The following FSCN1 variants were observed in gnomAD, a reference collection of about 807,000 sequenced individuals.
The protein encoded by FSCN1 is fascin actin-bundling protein 1.
In FSCN1, 10 loss-of-function variants were observed where a neutral mutation model predicts 39.7. The ratio of observed to expected loss-of-function variants is 0.25; its 90% CI spans 0.16 to 0.43. FSCN1 has a LOEUF of 0.43. FSCN1 is among the 20% of genes least tolerant of loss of function. The pLI is 1.00. For synonymous variants in FSCN1, 322 were observed against 320.0 expected, an observed-to-expected ratio of 1.01 and a Z score of -0.07; for missense variants, 525 against 723.8, an observed-to-expected ratio of 0.73 and a Z score of 3.15.
intron 1 of FSCN1, among the ~76,000 whole-genome samples, chr7:5,596,677 C>G (rs1480595325): frequency 2.0e-5 from 3 of 152,208 alleles, no homozygotes; most frequent in Non-Finnish European, 4.4e-5. Context: ...GACCTGTCCT[C>G]CCTGCTGGCT....
intron 1 of FSCN1, 102 bp downstream of exon 1, chr7:5,593,870 C>A (rs1785678729): frequency 1.2e-6 from 1 of 827,382 alleles, no homozygotes. Context: ...GGCGCCGCTG[C>A]GGTCCGGAGC....
At chr7:5,597,758 AAAAG>A (rs982569259) in intron 1 of FSCN1, among the ~76,000 whole-genome samples, 21 of 151,936 alleles carry the variant, frequency 1.4e-4, no homozygotes, top group African/African-American at 4.8e-4. Context: ...AAAAAAAAAA[AAAAG>A]AGAGGATGGC....
At position 5,597,493 on chromosome 7, in the gene FSCN1, C is replaced by A. The variant is rs569831844; in HGVS notation, c.832+3725C>A. The stretch of plus-strand genomic sequence containing the variant: ...ACCAGTCTGACCAACATGGAGAAAC[C>A]CCATCTCTACTAAAAACACAAAAAT... On this transcript the variant is annotated intron_variant, in intron 1 of 4. Transcript: ENST00000382361. Among the ~76,000 whole-genome samples the A allele has an allele frequency of 9.2e-5, 14 of 152,058 alleles. No individual in the cohort carries two copies. The East Asian group carries it at 2.5e-3, about 27-fold the overall frequency.
chr7:5,603,200 C>A lies in FSCN1; in HGVS notation c.833-57C>A. 1 of 1,592,122 alleles carries A rather than the reference C, an allele frequency of 6.3e-7. No individual in the cohort carries two copies. Among genetic ancestry groups the A allele is most frequent in the South Asian group, 1.1e-5 (1 of 89,706 alleles). ...AGTTCTGTGAGCTCAGGGCTATGGT[C>A]TGCCAGAACTAGGGGGCGTGGGGCC... is the stretch of plus-strand genomic sequence containing the variant. On this transcript the variant is annotated intron_variant, in intron 1 of 4. Coordinates refer to ENST00000382361, the MANE Select transcript of FSCN1 (RefSeq NM_003088.4). This position sits in a 1 kb window ranked among gnomAD's most constrained non-coding sequence, Gnocchi z 8.5.
At chr7:5,602,456 T>TC (rs1785849749) in intron 1 of FSCN1, among the ~76,000 whole-genome samples, 1 of 152,236 alleles carries the variant, frequency 6.6e-6, no homozygotes, top group African/African-American at 2.4e-5. Context: ...GATGCGCTGT[T>TC]CCGCTGTGCT....
chr7:5,604,768 T>TG (rs1418502389), intron 4 of FSCN1, among the ~76,000 whole-genome samples: 1 of 152,198 alleles, frequency 6.6e-6, no homozygotes, highest in Non-Finnish European at 1.5e-5. Context: ...CCCGAGTAGC[T>TG]GGGACTATGT....
At position 5,599,273 on chromosome 7, in the gene FSCN1, CCCAAGGGGTT is replaced by C. The variant is rs1785785787; in HGVS notation, c.833-3978_833-3969del. Among the ~76,000 whole-genome samples, 1 of 152,078 alleles carries C rather than the reference CCCAAGGGGTT, an allele frequency of 6.6e-6. No individual in the cohort carries two copies. Among genetic ancestry groups the C allele is most frequent in the African/African-American group, 2.4e-5 (1 of 41,402 alleles). ...GCCCCAGGGAACCTGGGGGGTGGAG[CCCAAGGGGTT>C]CCAAGAAGGGGCGGGGCCAGGAACC... On this transcript the variant is annotated intron_variant, in intron 1 of 4. Transcript: ENST00000382361. This position sits in a 1 kb window ranked among gnomAD's most constrained non-coding sequence, Gnocchi z 5.6.
intron 4 of FSCN1, among the ~76,000 whole-genome samples, chr7:5,604,843 T>G (rs1458945283): frequency 6.6e-6 from 1 of 151,966 alleles, no homozygotes; most frequent in African/African-American, 2.4e-5. Flanking sequence ...CACCATGTTG[T>G]CCAGGCTGGT....
rs1167269284 is a variant in FSCN1, at chr7:5,605,137, G to A, written c.1280-135G>A. 87 of 663,636 alleles carry A rather than the reference G, an allele frequency of 1.3e-4. No homozygotes were observed. Among genetic ancestry groups the A allele is most frequent in the Non-Finnish European group, 2.1e-4 (78 of 369,768 alleles). The allele number at this position is 663,636 out of a possible 1,614,324, so 41.1% of individuals were successfully genotyped here. ...GACAGGAGGACGTGCGGGCCATAGG[G>A]ACCCTGGCTCATTCCGGAGCCGGGA... is the stretch of plus-strand genomic sequence containing the variant. On this transcript the variant is annotated intron_variant, in intron 4 of 4. Coordinates refer to ENST00000382361, the MANE Select transcript of FSCN1 (RefSeq NM_003088.4). This position sits in a 1 kb window ranked among gnomAD's most constrained non-coding sequence, Gnocchi z 6.9.
chr7:5,593,894 C>A, intron 1 of FSCN1, 126 bp downstream of exon 1: 1 of 678,650 alleles, frequency 1.5e-6, no homozygotes, highest in Non-Finnish European at 2.4e-6. Flanking sequence ...GCCCATTGCG[C>A]CCCCGCTAGG....
Position 5,603,135 on chromosome 7 carries a change from C to A in FSCN1, c.833-122C>A. The A allele has an allele frequency of 8.9e-7, 1 of 1,124,798 alleles. No individual in the cohort carries two copies. The highest frequency in any genetic ancestry group is 1.3e-6 in the Non-Finnish European group (1 of 775,766). The allele number at this position is 1,124,798 out of a possible 1,614,324, so 69.7% of individuals were successfully genotyped here. A position where few individuals can be genotyped will look rare whatever the true frequency, so the allele number is the denominator to read the frequency against. ...TCTCATGTGTGCCACTGTGGGGACTCGGCCGCCCACCCCACCCCGTGGTGT... is the reference window on the plus strand; with the variant it reads ...TCTCATGTGTGCCACTGTGGGGACTAGGCCGCCCACCCCACCCCGTGGTGT... On this transcript the variant is annotated intron_variant, in intron 1 of 4. Coordinates refer to ENST00000382361, the MANE Select transcript of FSCN1 (RefSeq NM_003088.4). The surrounding 1 kb of genome is among the most constrained non-coding windows in gnomAD (Gnocchi z 8.5).
chr7:5,603,114 A>G lies in FSCN1; in HGVS notation c.833-143A>G. The G allele has an allele frequency of 1.2e-6, 1 of 847,000 alleles. No individual in the cohort carries two copies. The highest frequency in any genetic ancestry group is 1.9e-6 in the Non-Finnish European group (1 of 531,728). The allele number at this position is 847,000 out of a possible 1,614,324, so 52.5% of individuals were successfully genotyped here. On this transcript the variant is annotated intron_variant, in intron 1 of 4. Transcript: ENST00000382361. This position sits in a 1 kb window ranked among gnomAD's most constrained non-coding sequence, Gnocchi z 8.5. ...TCCTGGGTGCTCTCTGCTGCTTCTC[A>G]TGTGTGCCACTGTGGGGACTCGGCC...
intron 1 of FSCN1, chr7:5,594,588 C>T (rs1245056074): frequency 2.0e-5 from 3 of 151,886 alleles, no homozygotes; most frequent in Non-Finnish European, 2.9e-5. Context: ...CCCCGCGCCG[C>T]CCCCGGGCCC....
intron 1 of FSCN1, among the ~76,000 whole-genome samples, chr7:5,602,481 C>G (rs943926967): frequency 2.0e-5 from 3 of 152,058 alleles, no homozygotes; most frequent in Non-Finnish European, 4.4e-5. Flanking sequence ...CCCCATTTGT[C>G]CTTTTCTATA....
chr7:5,603,520 C>T lies in FSCN1; in HGVS notation c.1014C>T (p.Ile338=), dbSNP rs1352129762. 3.1e-6 allele frequency: 5 copies of T among 1,614,032 alleles called. No individual in the cohort carries two copies. Among genetic ancestry groups the T allele is most frequent in the East Asian group, 2.2e-5 (1 of 44,894 alleles). ...GGAATGCCAGCTGCTACTTTGACAT[C>T]GAGTGGCGTGACCGGCGCATCACAC... ...SSKNASCYFD[I]EWRDRRITLR... is the part of the protein sequence containing the mutation. The change falls in exon 3 of 5, where the codon ATC becomes ATT. Residue 338 remains isoleucine (I), a synonymous_variant. Transcript: ENST00000382361. This position sits in a 1 kb window ranked among gnomAD's most constrained non-coding sequence, Gnocchi z 8.5.
chr7:5,605,622 C>G lies in FSCN1; in HGVS notation c.*148C>G, dbSNP rs1055088845. On this transcript the variant is annotated 3_prime_UTR_variant, in exon 5 of 5. Coordinates refer to ENST00000382361, the MANE Select transcript of FSCN1 (RefSeq NM_003088.4). The surrounding 1 kb of genome is among the most constrained non-coding windows in gnomAD (Gnocchi z 6.9). ...AACCCCAGAGAAAACGGTGCCCCCA[C>G]CTGTCGCCCCTATGGACTCCCCACT... 1 of 635,366 alleles carries G rather than the reference C, an allele frequency of 1.6e-6. No homozygotes were observed. Among genetic ancestry groups the G allele is most frequent in the Admixed American group, 3.0e-5 (1 of 33,816 alleles). The allele number at this position is 635,366 out of a possible 1,614,324, so 39.4% of individuals were successfully genotyped here. A position where few individuals can be genotyped will look rare whatever the true frequency, so the allele number is the denominator to read the frequency against.
rs1019956548 is a variant in FSCN1 at position 5,606,619 on chromosome 7, G to C, written c.*1145G>C. 4 of 146,864 alleles carry C rather than the reference G, an allele frequency of 2.7e-5. No individual in the cohort carries two copies. The highest frequency in any genetic ancestry group is 6.0e-5 in the Non-Finnish European group (4 of 67,066). 9.1% of individuals were successfully genotyped at this position (146,864 alleles called of 1,614,324 possible). ...CGCCCATGATAGTAGCTTCAAACTG[G>C]AAATAGCGAAATAAAATAACTCAGT... On this transcript the variant is annotated 3_prime_UTR_variant, in exon 5 of 5. Transcript: ENST00000382361. The surrounding 1 kb of genome is among the most constrained non-coding windows in gnomAD (Gnocchi z 5.1).
Position 5,599,260 on chromosome 7 carries a change from C to G in FSCN1, c.833-3997C>G, listed in dbSNP as rs1385834535. ...ACCGGCTTAAGGGGCCCCAGGGAAC[C>G]TGGGGGGTGGAGCCCAAGGGGTTCC... On this transcript the variant is annotated intron_variant, in intron 1 of 4. Transcript: ENST00000382361. This position sits in a 1 kb window ranked among gnomAD's most constrained non-coding sequence, Gnocchi z 5.6. Among the ~76,000 whole-genome samples the G allele has an allele frequency of 6.6e-6, 1 of 152,036 alleles. No individual in the cohort carries two copies. Among genetic ancestry groups the G allele is most frequent in the African/African-American group, 2.4e-5 (1 of 41,392 alleles).
At chr7:5,594,451 G>A (rs1486684043) in intron 1 of FSCN1, 1 of 152,470 alleles carries the variant, frequency 6.6e-6, no homozygotes, top group South Asian at 2.1e-4. Context: ...TGAGCAGGGG[G>A]GCGGGTCGCC....
Sources: gnomAD v4.1 joint callset for allele counts (sites outside exome capture counted in the v4.1 genomes callset) on GRCh38, gnomAD v4.1.1 for gene constraint, Gnocchi (gnomAD v3.1) non-coding constraint, MANE v1.5 for transcripts, NCBI Gene and HGNC (gene_info 2026-07-23, HGNC 2026-07-21) for gene names.